The following FSTL5 variants were observed in gnomAD, a reference collection of about 807,000 sequenced individuals.
The protein encoded by FSTL5 is follistatin-related protein 5.
Under a neutral mutation model 89.1 loss-of-function variants are expected in FSTL5, and 62 were observed. The observed-to-expected ratio is 0.70, with a 90% CI of 0.57 to 0.86. FSTL5 has a LOEUF of 0.86. FSTL5 is among the 40% of genes least tolerant of loss of function. The pLI is 0.00. For synonymous variants in FSTL5, 383 were observed against 346.2 expected (o/e 1.11, Z -1.18); for missense variants, 1,057 against 1,001.6 (o/e 1.06, Z -0.75).
chr4:161,432,647 T>C (rs1356741768), intron 15 of FSTL5, among the ~76,000 whole-genome samples: 1 of 151,806 alleles, frequency 6.6e-6, no homozygotes, highest in African/African-American at 2.4e-5. Flanking sequence ...AATGACAATT[T>C]TTTTTGAAAT....
intron 2 of FSTL5, among the ~76,000 whole-genome samples, chr4:162,077,006 TGCCAGTAGAATCAGC>T (rs1321633140): frequency 3.3e-5 from 5 of 151,882 alleles, no homozygotes; most frequent in African/African-American, 7.2e-5. Context: ...GAACCTCCAC[TGCCAGTAGAATCAGC>T]TGCATATACT....
At chr4:161,702,996 T>C (rs1043058253) in intron 6 of FSTL5, among the ~76,000 whole-genome samples, 5 of 152,136 alleles carry the variant, frequency 3.3e-5, no homozygotes, top group East Asian at 3.9e-4. Flanking sequence ...ATCCATCTAG[T>C]TGATGTCCTT....
At chr4:161,815,533 T>G (rs1471710213) in intron 4 of FSTL5, among the ~76,000 whole-genome samples, 1 of 152,130 alleles carries the variant, frequency 6.6e-6, no homozygotes, top group Non-Finnish European at 1.5e-5. Context: ...AATTTTCTTC[T>G]CACTTTAAAA....
At chr4:162,015,039 G>A (rs1379007636) in intron 3 of FSTL5, among the ~76,000 whole-genome samples, 1 of 152,182 alleles carries the variant, frequency 6.6e-6, no homozygotes, top group Non-Finnish European at 1.5e-5. Context: ...CAAACTTTCA[G>A]AAGCATCAAT....
chr4:162,037,528 G>A (rs892879188), intron 2 of FSTL5, among the ~76,000 whole-genome samples: 1 of 151,718 alleles, frequency 6.6e-6, no homozygotes, highest in Non-Finnish European at 1.5e-5. Flanking sequence ...AACAATCTTA[G>A]GCTTAGTTTA....
rs184574108 is a variant in FSTL5 at position 161,431,291 on chromosome 4, G to A, written c.1841+23713C>T. ...GAGATATAAATAGAAACAACAAAAA[G>A]TTTTTTAAAAAAGGAAAGCAAAGTT... On this transcript the variant is annotated intron_variant, in intron 15 of 15. Transcript: ENST00000306100. Among the ~76,000 whole-genome samples, 790 of 151,956 alleles carry A rather than the reference G, an allele frequency of 5.2e-3. 4 individuals are homozygous for A. The highest frequency in any genetic ancestry group is 7.9e-3 in the Non-Finnish European group (534 of 67,936).
Position 161,542,517 on chromosome 4 carries a change from G to A in FSTL5, c.1177+15C>T, listed in dbSNP as rs77487756. On this transcript the variant is annotated intron_variant, in intron 9 of 15. Coordinates refer to ENST00000306100, the MANE Select transcript of FSTL5 (RefSeq NM_020116.5). ...ACATGGTCATTTAAGAGAAAAAAAAGCAAGTAAAAAGCACCTTGAAGCGTG... is the reference window on the plus strand; with the variant it reads ...ACATGGTCATTTAAGAGAAAAAAAAACAAGTAAAAAGCACCTTGAAGCGTG... The A allele has an allele frequency of 1.4e-6, 2 of 1,379,464 alleles. No individual in the cohort carries two copies. The highest frequency in any genetic ancestry group is 1.9e-6 in the Non-Finnish European group (2 of 1,048,428). The allele number at this position is 1,379,464 out of a possible 1,614,324, so 85.5% of individuals were successfully genotyped here.
chr4:161,415,752 CAT>C (rs201934926), intron 15 of FSTL5, among the ~76,000 whole-genome samples: 132 of 144,210 alleles, frequency 9.2e-4, no homozygotes, highest in African/African-American at 3.3e-3. Flanking sequence ...TATATATACA[CAT>C]ATATATCATA....
chr4:161,733,913 G>A (rs2126764822), intron 6 of FSTL5, among the ~76,000 whole-genome samples: 1 of 152,004 alleles, frequency 6.6e-6, no homozygotes, highest in South Asian at 2.1e-4. Context: ...GTAGGATTGT[G>A]ATTTCCAGTT....
chr4:161,904,952 G>A (rs934685316), intron 4 of FSTL5, among the ~76,000 whole-genome samples: 2 of 151,718 alleles, frequency 1.3e-5, no homozygotes, highest in African/African-American at 2.4e-5. Context: ...GTATATTTAT[G>A]AATTACCTAA....
chr4:161,518,129 T>G (rs948278201), intron 10 of FSTL5, among the ~76,000 whole-genome samples: 1 of 152,196 alleles, frequency 6.6e-6, no homozygotes, highest in Non-Finnish European at 1.5e-5. Context: ...GGAAATTAAT[T>G]GAAGATTGTT....
intron 4 of FSTL5, among the ~76,000 whole-genome samples, chr4:161,887,547 A>G (rs1732853363): frequency 1.3e-5 from 2 of 151,998 alleles, no homozygotes; most frequent in South Asian, 4.1e-4. Context: ...AATGTTTCTC[A>G]GACATTTTAT....
intron 6 of FSTL5, among the ~76,000 whole-genome samples, chr4:161,683,521 G>A (rs190137266): frequency 6.0e-4 from 91 of 151,532 alleles, no homozygotes; most frequent in South Asian, 1.9e-3. Context: ...TATAACTTTT[G>A]TAATACTTGA....
At chr4:161,396,635 C>A in intron 15 of FSTL5, among the ~76,000 whole-genome samples, 2 of 140,170 alleles carry the variant, frequency 1.4e-5, no homozygotes, top group African/African-American at 5.4e-5. Context: ...GCCTGGGTGA[C>A]AGAGCAACAC....
At chr4:161,749,113 T>C (rs1257938922) in intron 6 of FSTL5, among the ~76,000 whole-genome samples, 2 of 152,140 alleles carry the variant, frequency 1.3e-5, no homozygotes, top group Admixed American at 1.3e-4. Context: ...GAAAGCAGTA[T>C]GGAGATACTT....
At chr4:161,774,333 T>C (rs927516994) in intron 5 of FSTL5, among the ~76,000 whole-genome samples, 2 of 152,140 alleles carry the variant, frequency 1.3e-5, no homozygotes, top group African/African-American at 4.8e-5. Context: ...AGAGGAAGCA[T>C]GGCCCTGTCA....
Position 161,521,326 on chromosome 4 carries a change from G to GT in FSTL5, c.1313-10903dup, listed in dbSNP as rs964665181. ...AAAAATGTCTCAAGTCATCCACAGT[G>GT]TTTTTTTTTTCCTGTAATTACTCAC... On this transcript the variant is annotated intron_variant, in intron 10 of 15. Coordinates refer to ENST00000306100, the MANE Select transcript of FSTL5 (RefSeq NM_020116.5). 7.7e-3 allele frequency among the ~76,000 whole-genome samples: 1,154 copies of GT among 149,710 alleles called. 11 individuals are homozygous for GT. The highest frequency in any genetic ancestry group is 0.024 in the African/African-American group (956 of 40,602).
intron 7 of FSTL5, among the ~76,000 whole-genome samples, chr4:161,606,472 C>A (rs1734447634): frequency 2.0e-5 from 3 of 151,750 alleles, no homozygotes; most frequent in Admixed American, 1.3e-4. Context: ...CCTCGTGATC[C>A]GCCCGCCTCA....
intron 14 of FSTL5, among the ~76,000 whole-genome samples, chr4:161,457,982 C>T (rs1733422735): frequency 6.6e-6 from 1 of 152,144 alleles, no homozygotes; most frequent in Non-Finnish European, 1.5e-5. Flanking sequence ...CATTTTGAAG[C>T]CCATACCTCA....
Sources: allele counts gnomAD v4.1 joint callset (sites outside exome capture counted in the v4.1 genomes callset), GRCh38; gene constraint gnomAD v4.1.1; transcripts MANE v1.5; gene names NCBI Gene and HGNC (gene_info 2026-07-23, HGNC 2026-07-21).